The following KCNQ5 variants were observed in gnomAD, a reference collection of about 807,000 sequenced individuals.
KCNQ5 encodes the protein potassium voltage-gated channel subfamily Q member 5, also known as potassium voltage-gated channel subfamily KQT member 5.
KCNQ5 carries 30 observed loss-of-function variants against 98.2 expected under a neutral mutation model. The ratio of observed to expected loss-of-function variants is 0.31; its 90% CI spans 0.23 to 0.41. The LOEUF (loss-of-function observed/expected upper bound fraction) is 0.41, where lower values mean the gene tolerates loss of function less well. Ranked by LOEUF, KCNQ5 falls within the 10% of genes least tolerant of loss-of-function variation. The probability of loss-of-function intolerance (pLI) is 1.00; values close to 1 mark genes in which losing one functional copy is unlikely to be tolerated. For synonymous variants in KCNQ5, 458 were observed against 449.4 expected, an observed-to-expected ratio of 1.02 and a Z score of -0.24; for missense variants, 835 against 1,182.5, an observed-to-expected ratio of 0.71 and a Z score of 4.31.
intron 1 of KCNQ5, among the ~76,000 whole-genome samples, chr6:72,684,386 T>G (rs1390498393): frequency 1.3e-5 from 2 of 152,212 alleles, no homozygotes; most frequent in African/African-American, 4.8e-5. Flanking sequence ...AGTATTGTGG[T>G]TTCTTCCCAA....
intron 1 of KCNQ5, among the ~76,000 whole-genome samples, chr6:72,685,127 A>G (rs1767887815): frequency 6.6e-6 from 1 of 152,176 alleles, no homozygotes; most frequent in African/African-American, 2.4e-5. Flanking sequence ...GTGCAGAATG[A>G]TTGAATGAAT....
At chr6:72,655,065 T>C (rs1766101910) in intron 1 of KCNQ5, among the ~76,000 whole-genome samples, 1 of 150,720 alleles carries the variant, frequency 6.6e-6, no homozygotes, top group African/African-American at 2.4e-5. Context: ...TCTTTCTTTC[T>C]TTCTTTCTTT....
At chr6:73,059,543 A>G (rs1372831582) in intron 3 of KCNQ5, among the ~76,000 whole-genome samples, 2 of 152,190 alleles carry the variant, frequency 1.3e-5, no homozygotes, top group Non-Finnish European at 2.9e-5. Flanking sequence ...AAACCTGCAC[A>G]TGTACCACAG....
intron 1 of KCNQ5, among the ~76,000 whole-genome samples, chr6:72,882,335 G>GA (rs1202574270): frequency 6.6e-6 from 1 of 152,184 alleles, no homozygotes; most frequent in African/African-American, 2.4e-5. Context: ...GTTAAAAGTA[G>GA]ATGTGGGTGG....
chr6:73,077,979 A>G lies in KCNQ5; in HGVS notation c.918+92A>G, dbSNP rs925925633. ...TGGTTCCTATGGATGGTTTCAATAA[A>G]AATATTAAATTGCGAAAGAGAGTTA... is the stretch of plus-strand genomic sequence containing the variant. On this transcript the variant is annotated intron_variant, in intron 5 of 13. Transcript: ENST00000370398. 191 of 1,030,032 alleles carry G rather than the reference A, an allele frequency of 1.9e-4. No homozygotes were observed. The East Asian group carries it at 2.0e-3, about 11-fold the overall frequency. The allele number at this position is 1,030,032 out of a possible 1,614,324, so 63.8% of individuals were successfully genotyped here.
chr6:72,988,718 A>G (rs1365538592), intron 1 of KCNQ5, among the ~76,000 whole-genome samples: 1 of 125,704 alleles, frequency 8.0e-6, no homozygotes, highest in Admixed American at 8.4e-5. Flanking sequence ...GGTTAGTTAC[A>G]TATGTATACA....
chr6:72,973,142 C>T (rs1342001669), intron 1 of KCNQ5, among the ~76,000 whole-genome samples: 1 of 152,176 alleles, frequency 6.6e-6, no homozygotes, highest in Non-Finnish European at 1.5e-5. Flanking sequence ...GTCCCACTTT[C>T]TGCAATAAAT....
intron 1 of KCNQ5, among the ~76,000 whole-genome samples, chr6:72,882,255 A>G (rs1227341856): frequency 6.6e-6 from 1 of 152,248 alleles, no homozygotes; most frequent in Non-Finnish European, 1.5e-5. Context: ...TTTAAATTTT[A>G]AAAGACCTGT....
chr6:72,678,920 G>A (rs1004786441), intron 1 of KCNQ5, among the ~76,000 whole-genome samples: 1 of 152,024 alleles, frequency 6.6e-6, no homozygotes, highest in African/African-American at 2.4e-5. Context: ...TATTAGAAAA[G>A]CCAATAAAAT....
chr6:72,862,595 G>T (rs527794213), intron 1 of KCNQ5, among the ~76,000 whole-genome samples: 1 of 152,126 alleles, frequency 6.6e-6, no homozygotes, highest in Non-Finnish European at 1.5e-5. Context: ...TAGGCTAGGG[G>T]AAAAAACCTA....
intron 3 of KCNQ5, among the ~76,000 whole-genome samples, chr6:73,066,558 A>G (rs908972777): frequency 2.0e-5 from 3 of 152,252 alleles, no homozygotes; most frequent in Non-Finnish European, 2.9e-5. Context: ...GAGAAAAGTC[A>G]TATCCAAAAC....
At chr6:72,802,603 T>C (rs1398106630) in intron 1 of KCNQ5, among the ~76,000 whole-genome samples, 1 of 152,164 alleles carries the variant, frequency 6.6e-6, no homozygotes, top group Non-Finnish European at 1.5e-5. Context: ...TATAGTCTCA[T>C]TTTGGTAACA....
intron 5 of KCNQ5, among the ~76,000 whole-genome samples, chr6:73,087,883 C>T (rs547836443): frequency 1.3e-5 from 2 of 152,072 alleles, no homozygotes; most frequent in Non-Finnish European, 2.9e-5. Flanking sequence ...GAATTGTTCC[C>T]CCTCTTTCAA....
rs1312523638 is a variant in KCNQ5 at position 72,876,668 on chromosome 6, T to C, written c.399-127240T>C. 1.3e-5 allele frequency among the ~76,000 whole-genome samples: 2 copies of C among 152,202 alleles called. 1 individual carries two copies. Among genetic ancestry groups the C allele is most frequent in the Admixed American group, 1.3e-4 (2 of 15,270 alleles). On this transcript the variant is annotated intron_variant, in intron 1 of 13. Coordinates refer to ENST00000370398, the MANE Select transcript of KCNQ5 (RefSeq NM_019842.4). ...AAAAGATATAAATCATTATTACACTTGGATTTCATACAAAAGTATTATACT... is the reference window on the plus strand; with the variant it reads ...AAAAGATATAAATCATTATTACACTCGGATTTCATACAAAAGTATTATACT...
intron 10 of KCNQ5, among the ~76,000 whole-genome samples, chr6:73,148,756 T>A (rs1777021347): frequency 6.6e-6 from 1 of 152,154 alleles, no homozygotes; most frequent in African/African-American, 2.4e-5. Flanking sequence ...TAAAAAGGCA[T>A]AGAACTTAAG....
At chr6:73,184,050 C>G (rs1050300607) in intron 11 of KCNQ5, among the ~76,000 whole-genome samples, 9 of 152,166 alleles carry the variant, frequency 5.9e-5, no homozygotes, top group Non-Finnish European at 1.2e-4. Flanking sequence ...AATTCCATCC[C>G]AACAGGCTCT....
chr6:72,964,176 A>G (rs528980999), intron 1 of KCNQ5, among the ~76,000 whole-genome samples: 2 of 152,336 alleles, frequency 1.3e-5, no homozygotes, highest in African/African-American at 2.4e-5. Context: ...TATTTATTCA[A>G]TCAGTGTACT....
chr6:73,034,926 A>G (rs916405670), intron 2 of KCNQ5, among the ~76,000 whole-genome samples: 2 of 148,924 alleles, frequency 1.3e-5, no homozygotes, highest in Admixed American at 1.4e-4. Context: ...GCTCACTGCA[A>G]GCTCCGCCTC....
chr6:73,043,185 G>C (rs755510472), intron 3 of KCNQ5: 1 of 424,710 alleles, frequency 2.4e-6, no homozygotes, highest in Non-Finnish European at 5.0e-6. Flanking sequence ...CTGTTAAGAA[G>C]AATCCTTTAT....
Sources: allele counts gnomAD v4.1 joint callset (sites outside exome capture counted in the v4.1 genomes callset), GRCh38; gene constraint gnomAD v4.1.1; transcripts MANE v1.5; gene names NCBI Gene and HGNC (gene_info 2026-07-23, HGNC 2026-07-21).